The following RYR3 variants were observed in gnomAD, a reference collection of about 807,000 sequenced individuals.
The protein encoded by RYR3 is ryanodine receptor 3, also known as brain ryanodine receptor-calcium release channel.
In RYR3, 207 loss-of-function variants were observed where a neutral mutation model predicts 584.3. The observed-to-expected ratio is 0.35, with a 90% CI of 0.32 to 0.40. The LOEUF is 0.40. RYR3 is among the 10% of genes least tolerant of loss of function. The pLI is 1.00. For missense variants in RYR3, 5,616 were observed against 6,089.2 expected (o/e 0.92, Z 2.59); for synonymous variants, 2,416 against 2,248.5 (o/e 1.07, Z -2.11).
At chr15:33,336,632 T>C (rs1040271411) in intron 1 of RYR3, among the ~76,000 whole-genome samples, 14 of 151,534 alleles carry the variant, frequency 9.2e-5, no homozygotes, top group African/African-American at 3.2e-4. Flanking sequence ...CAGCATGGTC[T>C]TTCATCTGCG....
intron 38 of RYR3, among the ~76,000 whole-genome samples, chr15:33,695,437 A>G (rs1309232809): frequency 2.4e-5 from 3 of 124,016 alleles, no homozygotes; most frequent in African/African-American, 9.2e-5. Context: ...AAATTTCCGT[A>G]AAACCAGTAT....
chr15:33,855,299 G>A (rs1022691796), intron 98 of RYR3, among the ~76,000 whole-genome samples: 4 of 152,118 alleles, frequency 2.6e-5, no homozygotes, highest in Admixed American at 1.3e-4. Context: ...CCAGGTCCCA[G>A]TTCAAGCAAT....
At chr15:33,617,494 G>A (rs371623124) in intron 19 of RYR3, among the ~76,000 whole-genome samples, 1 of 152,102 alleles carries the variant, frequency 6.6e-6, no homozygotes, top group East Asian at 1.9e-4. Context: ...TGGTTTTATA[G>A]CATCTCTCCC....
At chr15:33,435,381 A>T (rs2045589870) in intron 1 of RYR3, among the ~76,000 whole-genome samples, 1 of 152,162 alleles carries the variant, frequency 6.6e-6, no homozygotes, top group Non-Finnish European at 1.5e-5. Context: ...ATCAATTTTC[A>T]GCTACTCTGT....
intron 10 of RYR3, among the ~76,000 whole-genome samples, chr15:33,554,028 C>G (rs2141278952): frequency 6.6e-6 from 1 of 152,294 alleles, no homozygotes; most frequent in Non-Finnish European, 1.5e-5. Context: ...CCTCTGCACT[C>G]TACCACAGTG....
intron 55 of RYR3, among the ~76,000 whole-genome samples, chr15:33,749,352 C>T (rs116634280): frequency 0.046 from 6,953 of 152,232 alleles, 439 homozygotes; most frequent in African/African-American, 0.14. Context: ...GCTGCTTCCT[C>T]CCGTTGCTCC....
intron 1 of RYR3, among the ~76,000 whole-genome samples, chr15:33,432,152 G>C (rs564784464): frequency 6.6e-6 from 1 of 152,230 alleles, no homozygotes; most frequent in East Asian, 1.9e-4. Context: ...TCCCCTCATG[G>C]CTGAATAGTT....
Position 33,576,147 on chromosome 15 carries a change from A to G in RYR3, c.1269-3829A>G, listed in dbSNP as rs551962087. Among the ~76,000 whole-genome samples the G allele has an allele frequency of 6.6e-5, 10 of 152,296 alleles. No individual in the cohort carries two copies. In the South Asian group the frequency reaches 2.1e-3, roughly 32 times the overall value. The stretch of plus-strand genomic sequence containing the variant: ...CCTACCAACCAGAAAAGCCCAGGAC[A>G]GGATGGACTTAACAGCTGAATTCTA... On this transcript the variant is annotated intron_variant, in intron 12 of 103. Transcript: ENST00000634891.
At position 33,722,870 on chromosome 15, in the gene RYR3, C is replaced by A. The variant is rs758364996; in HGVS notation, c.6775C>A (p.Pro2259Thr). 6.3e-7 allele frequency: 1 copy of A among 1,590,214 alleles called. No individual in the cohort carries two copies. The highest frequency in any genetic ancestry group is 1.1e-5 in the South Asian group (1 of 88,426). The stretch of plus-strand genomic sequence containing the variant: ...CTCTGAGAACCCAGCGCTCGACCTC[C>A]CCTCTCAAGGATACAAAAGAGAAGT... ...KISENPALDLPSQGYKREVST... is the reference protein window; with the variant it reads ...KISENPALDLTSQGYKREVST... Residue 2259 changes from proline to threonine, a missense_variant, in exon 44 of 104, where the codon CCC becomes ACC. Pro to Thr is a conservative substitution (Grantham distance 38, BLOSUM62 -1). This residue lies in a region of RYR3 where 1,280 missense variants were observed against 1,426.2 expected (regional missense o/e 0.90). Coordinates refer to ENST00000634891, the MANE Select transcript of RYR3 (RefSeq NM_001036.6).
At chr15:33,685,281 G>T (rs372583484) in intron 38 of RYR3, among the ~76,000 whole-genome samples, 1 of 152,298 alleles carries the variant, frequency 6.6e-6, no homozygotes, top group East Asian at 1.9e-4. Context: ...GCAATAAAAA[G>T]CAGGGGTTGC....
intron 10 of RYR3, among the ~76,000 whole-genome samples, chr15:33,552,412 C>T (rs936571687): frequency 1.3e-5 from 2 of 152,112 alleles, no homozygotes; most frequent in African/African-American, 2.4e-5. Flanking sequence ...AAGCAAGCAG[C>T]GCATGGGTGG....
chr15:33,435,451 C>T (rs1391033941), intron 1 of RYR3, among the ~76,000 whole-genome samples: 3 of 152,076 alleles, frequency 2.0e-5, no homozygotes, highest in Non-Finnish European at 2.9e-5. Flanking sequence ...TAGTTTGGGG[C>T]TCTGGATATG....
Position 33,780,257 on chromosome 15 carries a change from A to T in RYR3, c.9184A>T (p.Ile3062Leu), listed in dbSNP as rs1165987671. 1 of 1,613,976 alleles carries T rather than the reference A, an allele frequency of 6.2e-7. No homozygotes were observed. The highest frequency in any genetic ancestry group is 1.1e-5 in the South Asian group (1 of 91,074). ...ATGTCTGGCCTCGCTGGCAGCTGCC[A>T]TACCAGTGGCATTCCTGGAGCCCAC... Reference protein sequence around the residue: ...GECLASLAAAIPVAFLEPTLN... With the variant: ...GECLASLAAALPVAFLEPTLN... Residue 3062 changes from isoleucine (I) to leucine (L), a missense_variant, in exon 65 of 104, where the codon ATA (isoleucine) becomes TTA (leucine). This residue lies in a region of RYR3 where 954 missense variants were observed against 1,132.2 expected (regional missense o/e 0.84). Coordinates refer to ENST00000634891, the MANE Select transcript of RYR3 (RefSeq NM_001036.6).
chr15:33,728,834 T>G (rs749899341), intron 46 of RYR3, 23 bp from the exon 47 acceptor site: 37 of 1,601,186 alleles, frequency 2.3e-5, no homozygotes, highest in Non-Finnish European at 3.2e-5. Context: ...AAAGGGAAAT[T>G]ACATTTTCTA....
intron 1 of RYR3, among the ~76,000 whole-genome samples, chr15:33,419,242 C>T (rs914726820): frequency 1.4e-4 from 22 of 152,164 alleles, no homozygotes; most frequent in African/African-American, 5.1e-4. Flanking sequence ...CTGTGAGAAA[C>T]TGAGATTGCT....
At position 33,860,994 on chromosome 15, in the gene RYR3, C is replaced by T. The variant is rs1033525756; in HGVS notation, c.14365-84C>T. The T allele has an allele frequency of 2.4e-4, 265 of 1,089,340 alleles. 3 individuals carry two copies. Among genetic ancestry groups the T allele is most frequent in the Non-Finnish European group, 9.6e-6 (7 of 729,444 alleles). 67.5% of individuals were successfully genotyped at this position (1,089,340 alleles called of 1,614,324 possible). On this transcript the variant is annotated intron_variant, in intron 101 of 103. Transcript: ENST00000634891. ...CATTAGAAAGAAAGTTTTCATTATC[C>T]TTCAATTCGATAGAATCATGACAGT...
At chr15:33,356,117 A>G (rs757380958) in intron 1 of RYR3, among the ~76,000 whole-genome samples, 1 of 152,146 alleles carries the variant, frequency 6.6e-6, no homozygotes, top group Non-Finnish European at 1.5e-5. Flanking sequence ...AGGTTCCATG[A>G]ATCTAAGTGA....
chr15:33,779,798 C>G (rs909178276), intron 64 of RYR3, among the ~76,000 whole-genome samples: 2 of 151,680 alleles, frequency 1.3e-5, no homozygotes, highest in African/African-American at 2.4e-5. Flanking sequence ...GTCAGGAGAT[C>G]GAGACCATCC....
chr15:33,669,619 A>T (rs1324166751), intron 37 of RYR3, among the ~76,000 whole-genome samples, 163 bp downstream of exon 37: 1 of 152,230 alleles, frequency 6.6e-6, no homozygotes, highest in Non-Finnish European at 1.5e-5. Flanking sequence ...GTCAGAAAAG[A>T]TACAGGAAGT....
Sources: gnomAD v4.1 joint callset for allele counts (sites outside exome capture counted in the v4.1 genomes callset) on GRCh38, gnomAD v4.1.1 for gene constraint, gnomAD v4.1.1 regional missense constraint, MANE v1.5 for transcripts, NCBI Gene and HGNC (gene_info 2026-07-23, HGNC 2026-07-21) for gene names.